The following CXXC5 variants were observed in gnomAD, a reference collection of about 807,000 sequenced individuals.
CXXC5 encodes CXXC finger protein 5.
Under a neutral mutation model 17.6 loss-of-function variants are expected in CXXC5, and 2 were observed. That is an observed-to-expected ratio of 0.11 (90% CI 0.05 to 0.36). The LOEUF is 0.36. Ranked by LOEUF, CXXC5 falls within the 10% of genes least tolerant of loss-of-function variation. CXXC5 has a pLI of 1.00. For synonymous variants in CXXC5, 171 were observed against 193.0 expected, an observed-to-expected ratio of 0.89 and a Z score of 0.94; for missense variants, 343 against 458.3, an observed-to-expected ratio of 0.75 and a Z score of 2.30.
At chr5:139,662,059 CCTGGGG>C (rs1309737377) in intron 1 of CXXC5, among the ~76,000 whole-genome samples, 2 of 147,748 alleles carry the variant, frequency 1.4e-5, no homozygotes, top group Non-Finnish European at 3.0e-5. Context: ...GGTTCCCTGA[CCTGGGG>C]CATGGGGTCC....
intron 1 of CXXC5, among the ~76,000 whole-genome samples, chr5:139,650,136 C>G (rs374139651): frequency 5.6e-4 from 85 of 152,316 alleles, no homozygotes; most frequent in South Asian, 4.3e-3. Context: ...GCTGGTGCCT[C>G]GGGCTGCAAG....
Position 139,670,721 on chromosome 5 carries a change from G to C in CXXC5, c.-160-9643G>C, listed in dbSNP as rs899589881. On this transcript the variant is annotated intron_variant, in intron 1 of 2. Coordinates refer to ENST00000302517, the MANE Select transcript of CXXC5 (RefSeq NM_016463.9). The surrounding 1 kb of genome is among the most constrained non-coding windows in gnomAD (Gnocchi z 4.2). Reference sequence around the variant, plus strand: ...CCATGTACATTCACAGACTTGGGTCGCACACACATGCCTCCACTTTACCCT... The same window carrying C: ...CCATGTACATTCACAGACTTGGGTCCCACACACATGCCTCCACTTTACCCT... Among the ~76,000 whole-genome samples, 1 of 152,146 alleles carries C rather than the reference G, an allele frequency of 6.6e-6. No individual in the cohort carries two copies. Among genetic ancestry groups the C allele is most frequent in the African/African-American group, 2.4e-5 (1 of 41,414 alleles).
chr5:139,662,503 G>A, intron 1 of CXXC5, among the ~76,000 whole-genome samples: 1 of 152,212 alleles, frequency 6.6e-6, no homozygotes, highest in East Asian at 1.9e-4. Context: ...TGGTCATGAA[G>A]GGCTTTGGAT....
At chr5:139,648,332 C>CCGGG (rs947142386), upstream of CXXC5, 2 of 157,076 alleles carry the variant, frequency 1.3e-5, no homozygotes, top group African/African-American at 4.8e-5. Flanking sequence ...TAGCTCCTGC[C>CCGGG]CGGGCGGGCG....
chr5:139,682,898 G>T lies in CXXC5; in HGVS notation c.960G>T (p.Trp320Cys), dbSNP rs769442055. 8 of 1,593,646 alleles carry T rather than the reference G, an allele frequency of 5.0e-6. No individual in the cohort carries two copies. In the South Asian group the frequency reaches 9.1e-5, roughly 18 times the overall value. Residue 320 changes from tryptophan (W) to cysteine (C), a missense_variant, in exon 3 of 3, where the codon TGG (tryptophan) becomes TGT (cysteine). This residue lies in a region of CXXC5 where 23 missense variants were observed against 31.0 expected (regional missense o/e 0.74). Transcript: ENST00000302517. ...TTCCGACGGGAGCCGCCTTCCGGTG[G>T]TTTCAGTGACGGCGGCGGAACCCAA... is the stretch of plus-strand genomic sequence containing the variant. ...VMLPTGAAFR[W>C]FQ
chr5:139,652,171 C>CGTGTGTGT (rs70988712), intron 1 of CXXC5, among the ~76,000 whole-genome samples: 9 of 114,994 alleles, frequency 7.8e-5, no homozygotes, highest in South Asian at 5.7e-4. Flanking sequence ...CGCGCGCGCG[C>CGTGTGTGT]GTGTGTGTGT....
At position 139,658,732 on chromosome 5, in the gene CXXC5, C is replaced by T. The variant is rs546556482; in HGVS notation, c.-161+9887C>T. On this transcript the variant is annotated intron_variant, in intron 1 of 2. Transcript: ENST00000302517. This position sits in a 1 kb window ranked among gnomAD's most constrained non-coding sequence, Gnocchi z 4.1. ...AGCTCCCCCTCTGACTCATGGCCGCCTGCAGCTCCCCCTCCCTTGGGGTCC... is the reference window on the plus strand; with the variant it reads ...AGCTCCCCCTCTGACTCATGGCCGCTTGCAGCTCCCCCTCCCTTGGGGTCC... Among the ~76,000 whole-genome samples the T allele has an allele frequency of 5.0e-4, 76 of 152,360 alleles. No homozygotes were observed. The highest frequency in any genetic ancestry group is 9.7e-4 in the Non-Finnish European group (66 of 68,018).
Position 139,653,167 on chromosome 5 carries a change from C to T in CXXC5, c.-161+4322C>T, listed in dbSNP as rs139418109. ...CCCAGCAGTAACTGGGCAGCCTCCCCGTCTGCCTGCCTGCTGGGAGTTTTG... is the reference window on the plus strand; with the variant it reads ...CCCAGCAGTAACTGGGCAGCCTCCCTGTCTGCCTGCCTGCTGGGAGTTTTG... On this transcript the variant is annotated intron_variant, in intron 1 of 2. Coordinates refer to ENST00000302517, the MANE Select transcript of CXXC5 (RefSeq NM_016463.9). Among the ~76,000 whole-genome samples, 276 of 152,320 alleles carry T rather than the reference C, an allele frequency of 1.8e-3. 3 individuals carry two copies. The highest frequency in any genetic ancestry group is 6.3e-3 in the African/African-American group (263 of 41,564).
rs1402067669 is a variant in CXXC5, at chr5:139,670,874, A to G, written c.-160-9490A>G. On this transcript the variant is annotated intron_variant, in intron 1 of 2. Transcript: ENST00000302517. This position sits in a 1 kb window ranked among gnomAD's most constrained non-coding sequence, Gnocchi z 4.2. ...ACTCAACCGGGCACATTCACAGTCC[A>G]CTGGACACACACACAGTTGTGCAGC... Among the ~76,000 whole-genome samples the G allele has an allele frequency of 6.6e-6, 1 of 152,238 alleles. No homozygotes were observed. Among genetic ancestry groups the G allele is most frequent in the East Asian group, 1.9e-4 (1 of 5,204 alleles).
chr5:139,651,496 T>TG (rs1755177041), intron 1 of CXXC5, among the ~76,000 whole-genome samples: 1 of 152,148 alleles, frequency 6.6e-6, no homozygotes, highest in African/African-American at 2.4e-5. Context: ...CCTCAACTCT[T>TG]GCTGCCCCTT....
At chr5:139,666,691 T>C (rs1756131238) in intron 1 of CXXC5, among the ~76,000 whole-genome samples, 1 of 152,196 alleles carries the variant, frequency 6.6e-6, no homozygotes, top group Admixed American at 6.5e-5. Flanking sequence ...GAAATGGGGA[T>C]GATCACAGAT....
intron 1 of CXXC5, among the ~76,000 whole-genome samples, chr5:139,672,797 A>G (rs1756557953): frequency 6.6e-6 from 1 of 152,194 alleles, no homozygotes; most frequent in Non-Finnish European, 1.5e-5. Flanking sequence ...AGCTTGGTCA[A>G]AGTCACCAGT....
At chr5:139,660,370 C>T (rs938372756) in intron 1 of CXXC5, among the ~76,000 whole-genome samples, 1 of 152,228 alleles carries the variant, frequency 6.6e-6, no homozygotes, top group African/African-American at 2.4e-5. Flanking sequence ...AACTTGTTTC[C>T]TGGCCAGGAT....
At chr5:139,667,579 C>T (rs1484494476) in intron 1 of CXXC5, among the ~76,000 whole-genome samples, 1 of 152,144 alleles carries the variant, frequency 6.6e-6, no homozygotes, top group Non-Finnish European at 1.5e-5. Flanking sequence ...CGGCTGGGGT[C>T]TTCTTTCAGG....
intron 1 of CXXC5, among the ~76,000 whole-genome samples, chr5:139,662,488 C>T (rs537195731): frequency 6.6e-6 from 1 of 152,184 alleles, no homozygotes; most frequent in Non-Finnish European, 1.5e-5. Context: ...ATGGGAATGG[C>T]TTCATGGTCA....
chr5:139,651,226 ATG>A (rs1755158778), intron 1 of CXXC5: 1 of 152,156 alleles, frequency 6.6e-6, no homozygotes, highest in Non-Finnish European at 1.5e-5. Flanking sequence ...TGCCTTATTT[ATG>A]TGTGTATCTG....
Position 139,668,711 on chromosome 5 carries a change from C to A in CXXC5, c.-160-11653C>A, listed in dbSNP as rs926010458. Reference sequence around the variant, plus strand: ...ACCTGGCTTGGAGGCTCTCTTCAGTCTCGGGAGAGATATGCTTATCCCAGG... The same window carrying A: ...ACCTGGCTTGGAGGCTCTCTTCAGTATCGGGAGAGATATGCTTATCCCAGG... On this transcript the variant is annotated intron_variant, in intron 1 of 2. Coordinates refer to ENST00000302517, the MANE Select transcript of CXXC5 (RefSeq NM_016463.9). The surrounding 1 kb of genome is among the most constrained non-coding windows in gnomAD (Gnocchi z 4.1). 3.9e-5 allele frequency among the ~76,000 whole-genome samples: 6 copies of A among 152,164 alleles called. No individual in the cohort carries two copies. Among genetic ancestry groups the A allele is most frequent in the Non-Finnish European group, 5.9e-5 (4 of 68,028 alleles).
chr5:139,682,071 G>C (rs1003059284), intron 2 of CXXC5, among the ~76,000 whole-genome samples: 1 of 152,146 alleles, frequency 6.6e-6, no homozygotes, highest in African/African-American at 2.4e-5. Context: ...CCTAGCCACT[G>C]TAGGATTGGC....
rs1422672385 is a variant in CXXC5, at chr5:139,680,845, G to A, written c.322G>A (p.Ala108Thr). The A allele has an allele frequency of 1.2e-6, 2 of 1,610,618 alleles. No homozygotes were observed. Among genetic ancestry groups the A allele is most frequent in the South Asian group, 2.2e-5 (2 of 91,084 alleles). Residue 108 changes from alanine to threonine, a missense_variant, in exon 2 of 3, where the codon GCT becomes ACT. Coordinates refer to ENST00000302517, the MANE Select transcript of CXXC5 (RefSeq NM_016463.9). Reference protein sequence around the residue: ...GGESADKATAAAAAASLLANG... With the variant: ...GGESADKATATAAAASLLANG... ...AGAGTCTGCTGACAAGGCCACTGCG[G>A]CTGCAGCCGCTGCCTCCCTGTTGGC... is the stretch of plus-strand genomic sequence containing the variant.
Sources: allele counts gnomAD v4.1 joint callset (sites outside exome capture counted in the v4.1 genomes callset), GRCh38; gene constraint gnomAD v4.1.1; regional missense constraint gnomAD v4.1.1; non-coding constraint Gnocchi (gnomAD v3.1); transcripts MANE v1.5; gene names NCBI Gene and HGNC (gene_info 2026-07-23, HGNC 2026-07-21).